PIK3C2B: variants seen among roughly 807,000 people sequenced by gnomAD.
PIK3C2B encodes phosphatidylinositol-4-phosphate 3-kinase catalytic subunit type 2 beta, also known as phosphatidylinositol 4-phosphate 3-kinase C2 domain-containing subunit beta.
Under a neutral mutation model 184.3 loss-of-function variants are expected in PIK3C2B, and 83 were observed. The observed-to-expected ratio is 0.45, with a 90% CI of 0.38 to 0.54. The LOEUF (loss-of-function observed/expected upper bound fraction) is 0.54, where lower values mean the gene tolerates loss of function less well. PIK3C2B is among the 20% of genes least tolerant of loss of function. PIK3C2B has a pLI of 0.00. For synonymous variants in PIK3C2B, 779 were observed against 837.6 expected (o/e 0.93, Z 1.21); for missense variants, 1,736 against 2,113.5 (o/e 0.82, Z 3.50).
chr1:204,437,037 G>A (rs1049527328), intron 23 of PIK3C2B, among the ~76,000 whole-genome samples: 6 of 152,142 alleles, frequency 3.9e-5, no homozygotes, highest in Non-Finnish European at 5.9e-5. Flanking sequence ...TGCCCCCACC[G>A]CATGATCTAG....
At position 204,422,722 on chromosome 1, in the gene PIK3C2B, A is replaced by G. The variant is rs549800774; in HGVS notation, c.*2130T>C. ...GGGAAGTGGGAAGTAAACAGTACAC[A>G]GATCTCTTTAAATCAGGAGCATATA... is the stretch of plus-strand genomic sequence containing the variant. On this transcript the variant is annotated 3_prime_UTR_variant, in exon 33 of 33. Coordinates refer to ENST00000684373, the MANE Select transcript of PIK3C2B (RefSeq NM_001377334.1). 8 of 152,772 alleles carry G rather than the reference A, an allele frequency of 5.2e-5. No homozygotes were observed. The highest frequency in any genetic ancestry group is 5.2e-4 in the Admixed American group (8 of 15,304). 9.5% of individuals were successfully genotyped at this position (152,772 alleles called of 1,614,324 possible).
chr1:204,425,415 T>G (rs1674691867), intron 32 of PIK3C2B, among the ~76,000 whole-genome samples, 198 bp downstream of exon 32: 1 of 152,196 alleles, frequency 6.6e-6, no homozygotes, highest in Admixed American at 6.5e-5. Context: ...TTTTTAGGCT[T>G]GATAAGCCAT....
intron 12 of PIK3C2B, among the ~76,000 whole-genome samples, chr1:204,452,280 G>A (rs1005388355): frequency 7.1e-6 from 1 of 140,334 alleles, no homozygotes; most frequent in African/African-American, 2.6e-5. Flanking sequence ...AGAACACTGT[G>A]CAGCACCCTT....
chr1:204,441,875 A>C (rs768097074), intron 20 of PIK3C2B, among the ~76,000 whole-genome samples: 4 of 151,962 alleles, frequency 2.6e-5, no homozygotes, highest in Admixed American at 1.3e-4. Context: ...ACCTCAGTTT[A>C]CTCCTCTGTA....
chr1:204,430,047 G>A lies in PIK3C2B; in HGVS notation c.4281-9C>T. On this transcript the variant is annotated splice_polypyrimidine_tract_variant and intron_variant, in intron 28 of 32. Coordinates refer to ENST00000684373, the MANE Select transcript of PIK3C2B (RefSeq NM_001377334.1). ...CGAAGCGACTAGGGAAGCTGGCGTG[G>A]CAGCGTAGGCAGCGGGGATGCAGGA... 1 of 1,550,730 alleles carries A rather than the reference G, an allele frequency of 6.4e-7. No individual in the cohort carries two copies. The highest frequency in any genetic ancestry group is 8.8e-7 in the Non-Finnish European group (1 of 1,130,780).
intron 2 of PIK3C2B, chr1:204,467,092 G>T: frequency 2.5e-6 from 1 of 406,564 alleles, no homozygotes; most frequent in Non-Finnish European, 5.0e-6. Flanking sequence ...TCTTCAAGGA[G>T]ATTCTGGGCT....
chr1:204,483,048 G>A (rs1412953492), intron 1 of PIK3C2B, among the ~76,000 whole-genome samples: 6 of 152,046 alleles, frequency 3.9e-5, no homozygotes, highest in Admixed American at 6.5e-5. Flanking sequence ...GACTCTTAGG[G>A]CCCCAAAGCC....
intron 2 of PIK3C2B, among the ~76,000 whole-genome samples, chr1:204,467,663 C>T (rs371104352): frequency 3.0e-4 from 45 of 151,922 alleles, no homozygotes; most frequent in African/African-American, 1.1e-3. Context: ...GGTGAAACCC[C>T]GTCTCTACTA....
Position 204,469,140 on chromosome 1 carries a change from G to T in PIK3C2B, c.663C>A (p.Arg221=). The T allele has an allele frequency of 6.2e-7, 1 of 1,614,130 alleles. No individual in the cohort carries two copies. Among genetic ancestry groups the T allele is most frequent in the Non-Finnish European group, 8.5e-7 (1 of 1,180,004 alleles). Residue 221 remains arginine, a synonymous_variant, in exon 2 of 33, where the codon CGC becomes CGA. Coordinates refer to ENST00000684373, the MANE Select transcript of PIK3C2B (RefSeq NM_001377334.1). ...EEVLGGGGQG[R]LLGSVDYDGI... Reference sequence around the variant, plus strand: ...CATCATAGTCCACAGACCCCAGTAGGCGCCCCTGACCCCCACCTCCCAGCA... The same window carrying T: ...CATCATAGTCCACAGACCCCAGTAGTCGCCCCTGACCCCCACCTCCCAGCA...
intron 1 of PIK3C2B, among the ~76,000 whole-genome samples, chr1:204,486,577 A>C (rs1344678590): frequency 6.6e-6 from 1 of 151,984 alleles, no homozygotes; most frequent in African/African-American, 2.4e-5. Context: ...CAAAAATACA[A>C]AAAGTAGCCG....
intron 1 of PIK3C2B, among the ~76,000 whole-genome samples, chr1:204,490,962 C>G (rs1350766476): frequency 6.6e-6 from 1 of 152,182 alleles, no homozygotes. Context: ...TCTCTTCCTT[C>G]CTTGGAAGGT....
At chr1:204,445,542 C>T (rs1283455342) in intron 16 of PIK3C2B, among the ~76,000 whole-genome samples, 2 of 147,178 alleles carry the variant, frequency 1.4e-5, no homozygotes, top group Admixed American at 6.9e-5. Context: ...GTCGAGGCTG[C>T]AGTGAGCCAT....
intron 5 of PIK3C2B, among the ~76,000 whole-genome samples, chr1:204,462,515 T>G (rs941290696): frequency 6.6e-6 from 1 of 152,230 alleles, no homozygotes; most frequent in African/African-American, 2.4e-5. Context: ...TTATCCACTA[T>G]GTCCCCTTTT....
chr1:204,494,034 A>G (rs773073081), intron 1 of PIK3C2B, among the ~76,000 whole-genome samples: 2 of 152,218 alleles, frequency 1.3e-5, no homozygotes, highest in Non-Finnish European at 2.9e-5. Context: ...TGACTGGTTC[A>G]GATCGCCCTG....
rs541013983 is a variant in PIK3C2B at position 204,437,305 on chromosome 1, G to A, written c.3516+1630C>T. Among the ~76,000 whole-genome samples the A allele has an allele frequency of 1.6e-4, 24 of 152,096 alleles. No homozygotes were observed. In the South Asian group the frequency reaches 2.7e-3, roughly 17 times the overall value. On this transcript the variant is annotated intron_variant, in intron 23 of 32. Coordinates refer to ENST00000684373, the MANE Select transcript of PIK3C2B (RefSeq NM_001377334.1). ...AGGTCAGGAGTTCGCGACCAGCCTGGCCAACATGGTGAAACCCCTTCTCTA... is the reference window on the plus strand; with the variant it reads ...AGGTCAGGAGTTCGCGACCAGCCTGACCAACATGGTGAAACCCCTTCTCTA...
chr1:204,494,530 C>G lies in PIK3C2B; in HGVS notation c.-259G>C, dbSNP rs1016805036. ...CTCCCGGGCCGCTCCCCTCTCCAGG[C>G]TCCGCACAGACCCTAGGCTCCAAGG... On this transcript the variant is annotated 5_prime_UTR_variant, in exon 1 of 33. Coordinates refer to ENST00000684373, the MANE Select transcript of PIK3C2B (RefSeq NM_001377334.1). The G allele has an allele frequency of 6.6e-6, 1 of 152,416 alleles. No individual in the cohort carries two copies. Among genetic ancestry groups the G allele is most frequent in the African/African-American group, 2.4e-5 (1 of 41,434 alleles). 9.4% of individuals were successfully genotyped at this position (152,416 alleles called of 1,614,324 possible). A position where few individuals can be genotyped will look rare whatever the true frequency, so the allele number is the denominator to read the frequency against.
At chr1:204,478,292 C>G (rs1409028040) in intron 1 of PIK3C2B, among the ~76,000 whole-genome samples, 2 of 152,150 alleles carry the variant, frequency 1.3e-5, no homozygotes, top group African/African-American at 2.4e-5. Flanking sequence ...AGCCAGGGAC[C>G]CTGCCTCGCA....
rs1674814072 is a variant in PIK3C2B, at chr1:204,427,596, A to C, written c.4587+52T>G. On this transcript the variant is annotated intron_variant, in intron 31 of 32. Coordinates refer to ENST00000684373, the MANE Select transcript of PIK3C2B (RefSeq NM_001377334.1). ...GCAGAGAAGGTCTGCCCAAAAAAGT[A>C]GCTAAAGAAACATTAAAAAAGAAAA... The C allele has an allele frequency of 2.4e-6, 3 of 1,237,100 alleles. No homozygotes were observed. The Admixed American group carries it at 5.1e-5, about 21-fold the overall frequency. The allele number at this position is 1,237,100 out of a possible 1,614,324, so 76.6% of individuals were successfully genotyped here.
chr1:204,432,858 T>C (rs1439083269), intron 26 of PIK3C2B, among the ~76,000 whole-genome samples: 1 of 152,186 alleles, frequency 6.6e-6, no homozygotes, highest in East Asian at 1.9e-4. Context: ...AGGGACCACA[T>C]TTTGCAGGCA....
Sources: allele counts gnomAD v4.1 joint callset (sites outside exome capture counted in the v4.1 genomes callset), GRCh38; gene constraint gnomAD v4.1.1; transcripts MANE v1.5; gene names NCBI Gene and HGNC (gene_info 2026-07-23, HGNC 2026-07-21).